SETD3: variants seen among roughly 807,000 people sequenced by gnomAD.
SETD3 encodes the protein actin-histidine N-methyltransferase.
SETD3 carries 19 observed loss-of-function variants against 63.0 expected under a neutral mutation model. The observed-to-expected ratio is 0.30, with a 90% confidence interval of 0.21 to 0.44. The LOEUF (loss-of-function observed/expected upper bound fraction) is 0.44, where lower values mean the gene tolerates loss of function less well. SETD3 is among the 20% of genes least tolerant of loss of function. The pLI, the probability that SETD3 is intolerant of heterozygous loss-of-function variation, is 1.00. For missense variants in SETD3, 587 were observed against 728.5 expected (o/e 0.81, Z 2.24); for synonymous variants, 286 against 264.1 (o/e 1.08, Z -0.80).
rs571432154 is a variant in SETD3 at position 99,454,328 on chromosome 14, G to C, written c.675+3951C>G. Among the ~76,000 whole-genome samples the C allele has an allele frequency of 2.4e-3, 368 of 152,106 alleles. 1 individual carries two copies. Among genetic ancestry groups the C allele is most frequent in the African/African-American group, 8.6e-3 (355 of 41,498 alleles). ...CTTCAGCCTCCCGAGTAGCTGGGAC[G>C]ACAGGTGTATGCCACCACACCTGGC... On this transcript the variant is annotated intron_variant, in intron 6 of 12. Transcript: ENST00000331768.
chr14:99,469,706 A>C (rs919208480), intron 1 of SETD3, among the ~76,000 whole-genome samples: 1 of 152,240 alleles, frequency 6.6e-6, no homozygotes, highest in Non-Finnish European at 1.5e-5. Context: ...TGATGGCGTC[A>C]CTGCACTCCA....
At chr14:99,415,307 T>C (rs1434181418) in intron 6 of SETD3, among the ~76,000 whole-genome samples, 1 of 152,196 alleles carries the variant, frequency 6.6e-6, no homozygotes, top group Non-Finnish European at 1.5e-5. Context: ...TCTCTAAGTC[T>C]AAAAATTTGG....
chr14:99,481,494 G>A (rs1896316960), upstream of SETD3: 3 of 398,642 alleles, frequency 7.5e-6, no homozygotes, highest in African/African-American at 2.1e-5. Context: ...GTGACCCACC[G>A]ACTGAGGGCA....
intron 6 of SETD3, among the ~76,000 whole-genome samples, chr14:99,435,142 T>C (rs765649693): frequency 2.0e-5 from 3 of 152,224 alleles, no homozygotes; most frequent in Non-Finnish European, 2.9e-5. Flanking sequence ...TTTTCTGTTA[T>C]TTGCCATGCA....
At chr14:99,422,108 T>C (rs1892626711) in intron 6 of SETD3, among the ~76,000 whole-genome samples, 1 of 152,204 alleles carries the variant, frequency 6.6e-6, no homozygotes, top group Non-Finnish European at 1.5e-5. Context: ...TCTTCGGTCA[T>C]AAAATCTCAG....
At chr14:99,452,790 C>T (rs1472407921) in intron 6 of SETD3, among the ~76,000 whole-genome samples, 2 of 152,318 alleles carry the variant, frequency 1.3e-5, no homozygotes, top group Admixed American at 6.5e-5. Flanking sequence ...CCCAAAGTAC[C>T]CAGAGACAGG....
intron 1 of SETD3, among the ~76,000 whole-genome samples, chr14:99,472,845 AAAT>A (rs1895777432): frequency 6.6e-6 from 1 of 152,246 alleles, no homozygotes; most frequent in Non-Finnish European, 1.5e-5. Context: ...AAAATGATTT[AAAT>A]AATACTTAAG....
Position 99,441,870 on chromosome 14 carries a change from T to C in SETD3, c.675+16409A>G, listed in dbSNP as rs1180309332. 3.3e-5 allele frequency among the ~76,000 whole-genome samples: 5 copies of C among 152,130 alleles called. No homozygotes were observed. In the South Asian group the frequency reaches 8.3e-4, roughly 25 times the overall value. ...AAAAGAGCCCCTTGGTGGAGCTACA[T>C]TGAGGAGGTCAAGAGCACAGGGACC... On this transcript the variant is annotated intron_variant, in intron 6 of 12. Transcript: ENST00000331768.
chr14:99,481,404 T>A (rs1170170977), upstream of SETD3: 1 of 398,632 alleles, frequency 2.5e-6, no homozygotes. Flanking sequence ...ATGACGTAGG[T>A]CCCCGACATT....
At chr14:99,451,245 G>C (rs932038862) in intron 6 of SETD3, among the ~76,000 whole-genome samples, 1 of 152,144 alleles carries the variant, frequency 6.6e-6, no homozygotes, top group Non-Finnish European at 1.5e-5. Flanking sequence ...GTTCTGATCT[G>C]CTAGTATTTT....
At chr14:99,411,849 A>C (rs577946526) in intron 8 of SETD3, 11 of 152,320 alleles carry the variant, frequency 7.2e-5, no homozygotes, top group African/African-American at 2.6e-4. Flanking sequence ...CCAAAATGTA[A>C]TTATAAAAAT....
chr14:99,456,177 TATAAA>T (rs1255289738), intron 6 of SETD3, among the ~76,000 whole-genome samples: 1 of 152,160 alleles, frequency 6.6e-6, no homozygotes, highest in African/African-American at 2.4e-5. Flanking sequence ...AAAAGTCTGA[TATAAA>T]ATAAAAGAAC....
intron 6 of SETD3, among the ~76,000 whole-genome samples, chr14:99,432,648 A>G (rs1397203312): frequency 6.6e-6 from 1 of 152,256 alleles, no homozygotes; most frequent in Non-Finnish European, 1.5e-5. Context: ...ACAAGGATTA[A>G]GAAGAGATGG....
intron 6 of SETD3, among the ~76,000 whole-genome samples, chr14:99,439,193 C>T (rs2139713010): frequency 6.6e-6 from 1 of 152,358 alleles, no homozygotes; most frequent in South Asian, 2.1e-4. Flanking sequence ...TGGAAATCCA[C>T]AACAGGCTTC....
At chr14:99,461,964 C>G (rs1476620237) in intron 3 of SETD3, among the ~76,000 whole-genome samples, 3 of 152,128 alleles carry the variant, frequency 2.0e-5, no homozygotes, top group Non-Finnish European at 4.4e-5. Context: ...TTTCAAATAT[C>G]AATTACAACC....
intron 2 of SETD3, among the ~76,000 whole-genome samples, chr14:99,463,823 G>T (rs937556782): frequency 2.0e-5 from 3 of 152,168 alleles, no homozygotes; most frequent in African/African-American, 7.2e-5. Context: ...AGAGAGCACT[G>T]AGCAAGCACC....
intron 6 of SETD3, among the ~76,000 whole-genome samples, chr14:99,422,724 G>A (rs909773334): frequency 2.0e-5 from 3 of 152,152 alleles, no homozygotes; most frequent in Admixed American, 6.5e-5. Context: ...CCAGCTGCCA[G>A]GAGTTTACTT....
chr14:99,398,948 T>A lies in SETD3; in HGVS notation c.1516A>T (p.Asn506Tyr). The A allele has an allele frequency of 6.2e-7, 1 of 1,614,112 alleles. No individual in the cohort carries two copies. The highest frequency in any genetic ancestry group is 8.5e-7 in the Non-Finnish European group (1 of 1,179,962). The change falls in exon 13 of 13, where the codon AAC becomes TAC. Residue 506 changes from asparagine to tyrosine, a missense_variant. Physicochemically the swap from Asn to Tyr is moderately radical, Grantham distance 143. Transcript: ENST00000331768. ...KAPLPKYEESNLGLLESSVGD... is the reference protein window; with the variant it reads ...KAPLPKYEESYLGLLESSVGD... ...ACGCTGCTCTCCAACAGCCCAAGGT[T>A]ACTCTCTTCATATTTGGGAAGCGGA...
chr14:99,439,678 TTA>T (rs925526990), intron 6 of SETD3, among the ~76,000 whole-genome samples: 6 of 147,474 alleles, frequency 4.1e-5, no homozygotes, highest in African/African-American at 1.5e-4. Context: ...TAATACATAT[TTA>T]TATATTTATA....
Sources: allele counts gnomAD v4.1 joint callset (sites outside exome capture counted in the v4.1 genomes callset), GRCh38; gene constraint gnomAD v4.1.1; transcripts MANE v1.5; gene names NCBI Gene and HGNC (gene_info 2026-07-23, HGNC 2026-07-21).